The following CDADC1 variants were observed in gnomAD, a reference collection of about 807,000 sequenced individuals.
CDADC1 encodes the protein dCTP deaminase.
CDADC1 carries 39 observed loss-of-function variants against 54.9 expected under a neutral mutation model. The ratio of observed to expected loss-of-function variants is 0.71; its 90% CI spans 0.55 to 0.93. The LOEUF is 0.93. CDADC1 is among the 40% of genes least tolerant of loss of function. The probability of loss-of-function intolerance (pLI) is 0.00; values close to 1 mark genes in which losing one functional copy is unlikely to be tolerated. For missense variants in CDADC1, 518 were observed against 618.8 expected, an observed-to-expected ratio of 0.84 and a Z score of 1.73; for synonymous variants, 186 against 204.0, an observed-to-expected ratio of 0.91 and a Z score of 0.75.
chr13:49,267,673 A>G lies in CDADC1; in HGVS notation c.614A>G (p.Glu205Gly). ...LVCYMVQFVEETSYKCDFIQK... is the reference protein window; with the variant it reads ...LVCYMVQFVEGTSYKCDFIQK... The stretch of plus-strand genomic sequence containing the variant: ...TGTTATATGGTGCAGTTTGTAGAGG[A>G]GACCTCTTACAAATGTGACTTTATT... The change falls in exon 5 of 10, where the codon GAG becomes GGG. Residue 205 changes from glutamate (E) to glycine (G), a missense_variant. Physicochemically the swap from Glu to Gly is moderately conservative, Grantham distance 98. Transcript: ENST00000251108. The G allele has an allele frequency of 6.2e-7, 1 of 1,613,888 alleles. No homozygotes were observed. The highest frequency in any genetic ancestry group is 8.5e-7 in the Non-Finnish European group (1 of 1,179,898).
chr13:49,277,515 A>G (rs1003140109), intron 6 of CDADC1, among the ~76,000 whole-genome samples: 4 of 152,142 alleles, frequency 2.6e-5, no homozygotes, highest in African/African-American at 9.7e-5. Context: ...ATGAGATAAT[A>G]TTTTGTTTGC....
intron 4 of CDADC1, among the ~76,000 whole-genome samples, chr13:49,260,050 C>T (rs1269239466): frequency 6.6e-6 from 1 of 152,068 alleles, no homozygotes; most frequent in Non-Finnish European, 1.5e-5. Context: ...GCTATGATTG[C>T]TCCACTGCAC....
At chr13:49,281,152 A>G (rs1953322022) in intron 8 of CDADC1, among the ~76,000 whole-genome samples, 1 of 152,046 alleles carries the variant, frequency 6.6e-6, no homozygotes, top group African/African-American at 2.4e-5. Flanking sequence ...ACAAATTATT[A>G]TTATTATTGA....
chr13:49,289,120 CTTTTTTTTTTTTTTT>C lies in CDADC1; in HGVS notation c.1472-2552_1472-2538del, dbSNP rs66814830. On this transcript the variant is annotated intron_variant, in intron 9 of 9. Transcript: ENST00000251108. Reference sequence around the variant, plus strand: ...TTGCACGGAAGTAGCTTTTTTTTTGCTTTTTTTTTTTTTTTTTTTTTTTTTTATGACGGAGTCTCA... The same window carrying C: ...TTGCACGGAAGTAGCTTTTTTTTTGCTTTTTTTTTTTATGACGGAGTCTCA... Among the ~76,000 whole-genome samples the C allele has an allele frequency of 9.8e-5, 6 of 60,992 alleles. No individual in the cohort carries two copies. In the East Asian group the frequency reaches 3.4e-3, roughly 34 times the overall value. The allele number at this position is 60,992 out of a possible 152,430, so 40.0% of individuals were successfully genotyped here. A position where few individuals can be genotyped will look rare whatever the true frequency, so the allele number is the denominator to read the frequency against.
At chr13:49,269,103 G>A (rs749726459) in intron 5 of CDADC1, among the ~76,000 whole-genome samples, 7 of 152,164 alleles carry the variant, frequency 4.6e-5, no homozygotes, top group Non-Finnish European at 8.8e-5. Flanking sequence ...TGTTTGGGGA[G>A]TGTACTGTAG....
At chr13:49,281,575 G>C (rs932773906) in intron 8 of CDADC1, among the ~76,000 whole-genome samples, 2 of 152,124 alleles carry the variant, frequency 1.3e-5, no homozygotes, top group Non-Finnish European at 2.9e-5. Flanking sequence ...CTGACAGGAG[G>C]TGGAGCTCAG....
intron 4 of CDADC1, among the ~76,000 whole-genome samples, chr13:49,261,801 A>G (rs1952693182): frequency 6.6e-6 from 1 of 152,216 alleles, no homozygotes; most frequent in African/African-American, 2.4e-5. Context: ...ATTAGAGGGA[A>G]GAATAGGAGA....
chr13:49,252,842 A>G (rs562770747), intron 2 of CDADC1, among the ~76,000 whole-genome samples: 2 of 152,356 alleles, frequency 1.3e-5, no homozygotes, highest in African/African-American at 4.8e-5. Flanking sequence ...ATTATACAGT[A>G]AGAATACATC....
chr13:49,265,316 C>T (rs961897630), intron 4 of CDADC1, among the ~76,000 whole-genome samples: 3 of 152,168 alleles, frequency 2.0e-5, no homozygotes, highest in African/African-American at 7.2e-5. Flanking sequence ...ATGGAATTTA[C>T]AGAGTTTATA....
At chr13:49,255,695 C>T in intron 2 of CDADC1, 144 bp from the exon 3 acceptor site, 1 of 947,920 alleles carries the variant, frequency 1.1e-6, no homozygotes, top group Non-Finnish European at 1.6e-6. Flanking sequence ...TTGATCCAAA[C>T]AAAGTGGGAA....
chr13:49,266,879 T>C (rs1271433533), intron 4 of CDADC1, among the ~76,000 whole-genome samples: 1 of 152,170 alleles, frequency 6.6e-6, no homozygotes, highest in Non-Finnish European at 1.5e-5. Flanking sequence ...GATAGAAAAC[T>C]AGGCAATATT....
intron 3 of CDADC1, among the ~76,000 whole-genome samples, chr13:49,258,586 A>G (rs1020853039): frequency 6.6e-6 from 1 of 152,254 alleles, no homozygotes; most frequent in African/African-American, 2.4e-5. Flanking sequence ...GTCAGTAACC[A>G]GTCTGCAGGG....
At chr13:49,268,160 T>G (rs1952870959) in intron 5 of CDADC1, 101 bp downstream of exon 5, 1 of 953,224 alleles carries the variant, frequency 1.0e-6, no homozygotes, top group African/African-American at 1.9e-5. Flanking sequence ...TCATAGTTAC[T>G]TAAGTTTTGC....
chr13:49,291,093 C>T (rs146244006), intron 9 of CDADC1, among the ~76,000 whole-genome samples: 90 of 151,940 alleles, frequency 5.9e-4, no homozygotes, highest in African/African-American at 2.1e-3. Context: ...AGTAATAGGA[C>T]GTCCCCCCAC....
intron 4 of CDADC1, among the ~76,000 whole-genome samples, chr13:49,260,297 A>G (rs928314266): frequency 1.3e-4 from 20 of 152,194 alleles, no homozygotes; most frequent in African/African-American, 4.6e-4. Flanking sequence ...TATCACCTGT[A>G]TAATAGTCCA....
At chr13:49,271,252 GA>G (rs60484858) in intron 5 of CDADC1, among the ~76,000 whole-genome samples, 147,497 of 151,974 alleles carry the variant, frequency 0.97, 71,698 homozygotes, top group East Asian at 1. Flanking sequence ...CAAAAAAGTG[GA>G]AAAAAAAAGT....
At chr13:49,281,316 C>T (rs370792819) in intron 8 of CDADC1, among the ~76,000 whole-genome samples, 1 of 152,274 alleles carries the variant, frequency 6.6e-6, no homozygotes, top group East Asian at 1.9e-4. Context: ...CATCTCTTCC[C>T]TCTCCTTTCT....
intron 4 of CDADC1, among the ~76,000 whole-genome samples, chr13:49,261,830 T>C (rs577515275): frequency 5.9e-5 from 9 of 152,342 alleles, no homozygotes; most frequent in Admixed American, 6.5e-5. Context: ...AACTCATCAC[T>C]GCTTGATGTC....
At chr13:49,268,156 T>TTA in intron 5 of CDADC1, 97 bp downstream of exon 5, 1 of 982,144 alleles carries the variant, frequency 1.0e-6, no homozygotes, top group Non-Finnish European at 1.5e-6. Flanking sequence ...TTACTCATAG[T>TTA]TACTTAAGTT....
Sources: allele counts gnomAD v4.1 joint callset (sites outside exome capture counted in the v4.1 genomes callset), GRCh38; gene constraint gnomAD v4.1.1; transcripts MANE v1.5; gene names NCBI Gene and HGNC (gene_info 2026-07-23, HGNC 2026-07-21).